DIS3L2: variants seen among roughly 807,000 people sequenced by gnomAD.
DIS3L2 encodes the protein DIS3-like exonuclease 2.
DIS3L2 carries 34 observed loss-of-function variants against 97.5 expected under a neutral mutation model. The observed-to-expected ratio is 0.35, with a 90% CI of 0.27 to 0.46. DIS3L2 has a LOEUF of 0.46. Ranked by LOEUF, DIS3L2 falls within the 20% of genes least tolerant of loss-of-function variation. The pLI, the probability that DIS3L2 is intolerant of heterozygous loss-of-function variation, is 1.00. For missense variants in DIS3L2, 1,038 were observed against 1,146.0 expected (o/e 0.91, Z 1.36); for synonymous variants, 435 against 445.2 (o/e 0.98, Z 0.29).
intron 1 of DIS3L2, among the ~76,000 whole-genome samples, chr2:231,989,068 G>A (rs1268306880): frequency 6.6e-6 from 1 of 152,164 alleles, no homozygotes; most frequent in East Asian, 1.9e-4. Flanking sequence ...TTTGAGACTA[G>A]TGTATGGAGA....
chr2:232,075,255 A>G (rs1222751120), intron 5 of DIS3L2, among the ~76,000 whole-genome samples: 1 of 152,132 alleles, frequency 6.6e-6, no homozygotes, highest in Non-Finnish European at 1.5e-5. Flanking sequence ...TGAGATGGAG[A>G]TACTCATTCT....
intron 7 of DIS3L2, 111 bp downstream of exon 7, chr2:232,130,830 G>A (rs1698195833): frequency 1.5e-6 from 2 of 1,339,762 alleles, no homozygotes; most frequent in Non-Finnish European, 1.9e-6. Context: ...AATCAGAAAA[G>A]TTAGAGCAGA....
chr2:232,148,571 T>G (rs936493663), intron 8 of DIS3L2, among the ~76,000 whole-genome samples: 3 of 152,184 alleles, frequency 2.0e-5, no homozygotes, highest in Non-Finnish European at 2.9e-5. Context: ...CTTGGAGTCA[T>G]TGATCACATT....
chr2:232,030,300 G>A (rs1694771725), intron 5 of DIS3L2, among the ~76,000 whole-genome samples: 1 of 152,134 alleles, frequency 6.6e-6, no homozygotes, highest in Non-Finnish European at 1.5e-5. Flanking sequence ...TCTCTCTAGT[G>A]ATCCATCCTC....
chr2:232,318,931 C>G (rs948489604), intron 14 of DIS3L2, among the ~76,000 whole-genome samples: 29 of 152,244 alleles, frequency 1.9e-4, no homozygotes, highest in African/African-American at 6.8e-4. Context: ...CCTGAAACCC[C>G]AGGAGCATTC....
intron 13 of DIS3L2, among the ~76,000 whole-genome samples, chr2:232,282,754 T>C (rs1694326419): frequency 6.6e-6 from 1 of 152,186 alleles, no homozygotes; most frequent in Admixed American, 6.5e-5. Context: ...AGTGTGCTGC[T>C]GGGGGCCTCT....
At chr2:232,055,694 G>T (rs1695527917) in intron 5 of DIS3L2, among the ~76,000 whole-genome samples, 1 of 152,150 alleles carries the variant, frequency 6.6e-6, no homozygotes. Flanking sequence ...TACAAAGCTG[G>T]AGTTCTTAAA....
downstream of DIS3L2, among the ~76,000 whole-genome samples, chr2:232,339,903 C>G (rs972474521): frequency 1.3e-5 from 2 of 152,094 alleles, no homozygotes; most frequent in Admixed American, 6.6e-5. Flanking sequence ...TTGAGTTGGG[C>G]CTTAGAAGGA....
chr2:232,205,061 C>G (rs952640911), intron 9 of DIS3L2, among the ~76,000 whole-genome samples: 3 of 151,984 alleles, frequency 2.0e-5, no homozygotes, highest in East Asian at 1.9e-4. Flanking sequence ...GTTTTGCTGT[C>G]AAGAGGTTCG....
At chr2:232,222,311 A>G (rs932218069) in intron 10 of DIS3L2, among the ~76,000 whole-genome samples, 1 of 152,148 alleles carries the variant, frequency 6.6e-6, no homozygotes, top group Non-Finnish European at 1.5e-5. Context: ...TTTATGTCTC[A>G]GGCAGATCCC....
intron 19 of DIS3L2, chr2:232,335,511 C>T (rs1695913196): frequency 1.5e-5 from 8 of 519,466 alleles, no homozygotes; most frequent in Admixed American, 3.2e-5. Context: ...GTGCAGTCAG[C>T]CCTGGACCCC....
At chr2:232,000,680 C>T in intron 1 of DIS3L2, among the ~76,000 whole-genome samples, 1 of 60,592 alleles carries the variant, frequency 1.7e-5, no homozygotes, top group African/African-American at 7.8e-5. Context: ...CTCTTTCTCT[C>T]TTTCTGTCTT....
intron 9 of DIS3L2, among the ~76,000 whole-genome samples, chr2:232,185,868 C>T (rs528401330): frequency 7.0e-6 from 1 of 142,606 alleles, no homozygotes; most frequent in East Asian, 2.0e-4. Context: ...AAAAAAAAAG[C>T]ACGATATGCC....
chr2:232,173,889 CT>C (rs1303670957), intron 9 of DIS3L2, among the ~76,000 whole-genome samples: 1 of 151,934 alleles, frequency 6.6e-6, no homozygotes, highest in Non-Finnish European at 1.5e-5. Flanking sequence ...TCCAACTTTG[CT>C]TTTTTTTCTT....
chr2:232,141,818 T>A (rs575646815), intron 8 of DIS3L2, among the ~76,000 whole-genome samples: 1 of 152,180 alleles, frequency 6.6e-6, no homozygotes, highest in Admixed American at 6.5e-5. Context: ...GCAAATACTT[T>A]TACATTCCAT....
At chr2:232,029,936 T>C in intron 4 of DIS3L2, 43 bp from the exon 5 acceptor site, 2 of 1,428,442 alleles carry the variant, frequency 1.4e-6, no homozygotes, top group Non-Finnish European at 1.9e-6. Context: ...TTGCTTTATG[T>C]GTTTTTAAGC....
At chr2:232,258,321 A>AT (rs1441006657) in intron 12 of DIS3L2, among the ~76,000 whole-genome samples, 2 of 152,208 alleles carry the variant, frequency 1.3e-5, no homozygotes, top group African/African-American at 4.8e-5. Context: ...GTGGTGGCTC[A>AT]TGCCTGTAAT....
At chr2:232,165,571 C>T (rs552029122) in intron 9 of DIS3L2, among the ~76,000 whole-genome samples, 146 of 152,300 alleles carry the variant, frequency 9.6e-4, no homozygotes, top group Non-Finnish European at 1.8e-3. Context: ...GTTGCCCAGG[C>T]GGGAGTGCAG....
intron 9 of DIS3L2, among the ~76,000 whole-genome samples, chr2:232,166,022 T>C (rs1690795764): frequency 6.6e-6 from 1 of 151,770 alleles, no homozygotes; most frequent in Non-Finnish European, 1.5e-5. Flanking sequence ...CTTTATTGCC[T>C]TCTGGTTTAG....
Sources: allele counts gnomAD v4.1 joint callset (sites outside exome capture counted in the v4.1 genomes callset), GRCh38; gene constraint gnomAD v4.1.1; transcripts MANE v1.5; gene names NCBI Gene and HGNC (gene_info 2026-07-23, HGNC 2026-07-21).